Variants in CHSY3 observed in about 807,000 individuals in gnomAD.
CHSY3 encodes N-acetylgalactosaminyl-proteoglycan 3-beta-glucuronosyltransferase 3.
Under a neutral mutation model 67.2 loss-of-function variants are expected in CHSY3, and 35 were observed. The observed-to-expected ratio is 0.52, with a 90% confidence interval of 0.40 to 0.69. The LOEUF is 0.69. Among genes scored for constraint, CHSY3 ranks in the 30% least tolerant of loss-of-function variants. The pLI is 0.00. For missense variants in CHSY3, 1,069 were observed against 1,138.5 expected (o/e 0.94, Z 0.88); for synonymous variants, 474 against 434.7 (o/e 1.09, Z -1.12).
chr5:130,182,566 C>T (rs1770280187), intron 2 of CHSY3, among the ~76,000 whole-genome samples: 1 of 152,030 alleles, frequency 6.6e-6, no homozygotes. Context: ...TCTTCACATA[C>T]CCAAAAGTCT....
rs557644539 is a variant in CHSY3 at position 130,148,074 on chromosome 5, G to A, written c.1087-36155G>A. Among the ~76,000 whole-genome samples the A allele has an allele frequency of 1.5e-3, 233 of 152,120 alleles. 2 individuals carry two copies. Among genetic ancestry groups the A allele is most frequent in the African/African-American group, 5.3e-3 (221 of 41,514 alleles). On this transcript the variant is annotated intron_variant, in intron 2 of 2. Transcript: ENST00000305031. The stretch of plus-strand genomic sequence containing the variant: ...ATGTGTTCTCATCACTGTTCCCCGT[G>A]TGTGTTGTTTTCTTCTATACGTACG...
chr5:129,996,704 A>G (rs186691960), intron 2 of CHSY3, among the ~76,000 whole-genome samples: 2 of 152,180 alleles, frequency 1.3e-5, no homozygotes, highest in Non-Finnish European at 1.5e-5. Context: ...TATTATCTTT[A>G]TGACAAACAT....
chr5:130,139,464 A>C (rs1014670226), intron 2 of CHSY3, among the ~76,000 whole-genome samples: 2 of 152,250 alleles, frequency 1.3e-5, no homozygotes, highest in African/African-American at 4.8e-5. Flanking sequence ...ATAACTTTAC[A>C]TCTTTGTCAC....
chr5:130,164,535 G>T (rs1375625814), intron 2 of CHSY3, among the ~76,000 whole-genome samples: 1 of 152,004 alleles, frequency 6.6e-6, no homozygotes, highest in African/African-American at 2.4e-5. Context: ...TCACTGTATT[G>T]AGATGGCTCT....
chr5:129,914,767 C>T (rs1219563178), intron 2 of CHSY3, among the ~76,000 whole-genome samples: 1 of 152,212 alleles, frequency 6.6e-6, no homozygotes, highest in Non-Finnish European at 1.5e-5. Flanking sequence ...TTAGATAGTT[C>T]ATTTTTATCA....
intron 2 of CHSY3, among the ~76,000 whole-genome samples, chr5:130,095,732 A>C (rs1767021000): frequency 6.6e-6 from 1 of 152,230 alleles, no homozygotes. Context: ...TATAAGCAAA[A>C]ACAGGATATT....
At chr5:130,132,293 A>T (rs1768506990) in intron 2 of CHSY3, among the ~76,000 whole-genome samples, 1 of 152,220 alleles carries the variant, frequency 6.6e-6, no homozygotes, top group South Asian at 2.1e-4. Flanking sequence ...AAGCATGGTT[A>T]TTCCTGGTGC....
At chr5:129,912,362 T>C (rs1319730945) in intron 2 of CHSY3, among the ~76,000 whole-genome samples, 1 of 152,152 alleles carries the variant, frequency 6.6e-6, no homozygotes, top group African/African-American at 2.4e-5. Flanking sequence ...AAGTGAGTAG[T>C]ATCTCATTCT....
intron 2 of CHSY3, among the ~76,000 whole-genome samples, chr5:130,123,204 AT>A (rs1218560525): frequency 1.3e-5 from 2 of 152,214 alleles, no homozygotes; most frequent in Non-Finnish European, 2.9e-5. Context: ...ATTTGGAAAC[AT>A]TTCTATTGAG....
In CHSY3 at chr5:129,906,240, C is replaced by T. The variant is rs530938603; in HGVS notation, c.802+609C>T. Among the ~76,000 whole-genome samples, 51 of 152,198 alleles carry T rather than the reference C, an allele frequency of 3.4e-4. No individual in the cohort carries two copies. In the South Asian group the frequency reaches 8.1e-3, roughly 24 times the overall value. ...CACATACTGGGAGTCCTTGGCCATC[C>T]CCACCGTGCCAGCGCGCTGCTCCTT... On this transcript the variant is annotated intron_variant, in intron 1 of 2. Transcript: ENST00000305031.
chr5:129,974,627 C>T (rs548202029), intron 2 of CHSY3, among the ~76,000 whole-genome samples: 1 of 152,174 alleles, frequency 6.6e-6, no homozygotes, highest in East Asian at 1.9e-4. Flanking sequence ...TCTAGAGGAA[C>T]TTCATGGCGC....
At position 130,063,713 on chromosome 5, in the gene CHSY3, G is replaced by A. The variant is rs576808677; in HGVS notation, c.1087-120516G>A. 1.5e-3 allele frequency among the ~76,000 whole-genome samples: 224 copies of A among 152,164 alleles called. 2 individuals are homozygous for A. Among genetic ancestry groups the A allele is most frequent in the African/African-American group, 4.8e-3 (201 of 41,542 alleles). Reference sequence around the variant, plus strand: ...TCACAGTTCTGGAGGTTGATAAGTCGAAGATCCAGGTGCCAGTATTTGGTG... The same window carrying A: ...TCACAGTTCTGGAGGTTGATAAGTCAAAGATCCAGGTGCCAGTATTTGGTG... On this transcript the variant is annotated intron_variant, in intron 2 of 2. Transcript: ENST00000305031.
At position 130,143,822 on chromosome 5, in the gene CHSY3, A is replaced by G. The variant is rs1191738809; in HGVS notation, c.1087-40407A>G. Among the ~76,000 whole-genome samples the G allele has an allele frequency of 8.0e-4, 101 of 126,616 alleles. 3 individuals carry two copies. Among genetic ancestry groups the G allele is most frequent in the East Asian group, 2.9e-3 (12 of 4,108 alleles). 83.1% of individuals were successfully genotyped at this position (126,616 alleles called of 152,430 possible). A position where few individuals can be genotyped will look rare whatever the true frequency, so the allele number is the denominator to read the frequency against. The stretch of plus-strand genomic sequence containing the variant: ...TATATATATGTGTGTATATATATAT[A>G]TATATATATATATATATATATATAT... On this transcript the variant is annotated intron_variant, in intron 2 of 2. Transcript: ENST00000305031.
chr5:129,945,900 T>A (rs1404784593), intron 2 of CHSY3, among the ~76,000 whole-genome samples: 1 of 152,218 alleles, frequency 6.6e-6, no homozygotes, highest in Non-Finnish European at 1.5e-5. Context: ...ACATTCTTTT[T>A]TCTCTTTTTT....
At position 130,119,493 on chromosome 5, in the gene CHSY3, G is replaced by T. The variant is rs76336799; in HGVS notation, c.1087-64736G>T. Among the ~76,000 whole-genome samples, 112 of 152,154 alleles carry T rather than the reference G, an allele frequency of 7.4e-4. No individual in the cohort carries two copies. In the East Asian group the frequency reaches 0.016, roughly 22 times the overall value. On this transcript the variant is annotated intron_variant, in intron 2 of 2. Transcript: ENST00000305031. Reference sequence around the variant, plus strand: ...AAACAGCTTTGAGGGGCCTCAGGTCGCAGGGAGGAGCTCCCCATGGCCACT... The same window carrying T: ...AAACAGCTTTGAGGGGCCTCAGGTCTCAGGGAGGAGCTCCCCATGGCCACT...
intron 2 of CHSY3, among the ~76,000 whole-genome samples, chr5:129,909,256 A>ATTT (rs1760443968): frequency 1.3e-5 from 2 of 152,080 alleles, no homozygotes; most frequent in African/African-American, 4.8e-5. Flanking sequence ...TTTGGTTTTC[A>ATTT]AGTAGTTGGA....
At chr5:130,037,306 A>T (rs147131822) in intron 2 of CHSY3, among the ~76,000 whole-genome samples, 21 of 152,252 alleles carry the variant, frequency 1.4e-4, no homozygotes, top group African/African-American at 4.8e-4. Context: ...CTTAGAAAGC[A>T]GGATGAGGGA....
chr5:130,031,190 T>C (rs1452702869), intron 2 of CHSY3, among the ~76,000 whole-genome samples: 1 of 152,090 alleles, frequency 6.6e-6, no homozygotes, highest in Admixed American at 6.6e-5. Flanking sequence ...TCTGCTTCTC[T>C]GGATGTGTAT....
intron 2 of CHSY3, among the ~76,000 whole-genome samples, chr5:129,968,910 C>T (rs1352974312): frequency 6.6e-6 from 1 of 151,762 alleles, no homozygotes; most frequent in East Asian, 1.9e-4. Context: ...GAGTCAGAAT[C>T]TATAGAAGTG....
Sources: allele counts gnomAD v4.1 joint callset (sites outside exome capture counted in the v4.1 genomes callset), GRCh38; gene constraint gnomAD v4.1.1; transcripts MANE v1.5; gene names NCBI Gene and HGNC (gene_info 2026-07-23, HGNC 2026-07-21).